The following NAV2 variants were observed in gnomAD, a reference collection of about 807,000 sequenced individuals.
NAV2 encodes the protein helicase, APC down-regulated 1.
A neutral mutation model predicts 223.2 loss-of-function variants in NAV2; 54 were observed. The observed-to-expected ratio is 0.24, with a 90% CI of 0.19 to 0.30. NAV2 has a LOEUF of 0.30. Among genes scored for constraint, NAV2 ranks in the 10% least tolerant of loss-of-function variants. NAV2 has a pLI of 1.00. For missense variants in NAV2, 2,806 were observed against 3,147.5 expected, an observed-to-expected ratio of 0.89 and a Z score of 2.60; for synonymous variants, 1,279 against 1,239.3, an observed-to-expected ratio of 1.03 and a Z score of -0.67.
chr11:19,645,469 G>A (rs775412371), intron 1 of NAV2, among the ~76,000 whole-genome samples: 17 of 152,212 alleles, frequency 1.1e-4, no homozygotes, highest in African/African-American at 1.9e-4. Context: ...CATCTTTGGG[G>A]GCCATAATTC....
At chr11:19,850,768 C>CAAT (rs1449657127) in intron 3 of NAV2, among the ~76,000 whole-genome samples, 5 of 152,218 alleles carry the variant, frequency 3.3e-5, no homozygotes, top group Admixed American at 6.5e-5. Flanking sequence ...CTCACAACCA[C>CAAT]CAGTTTATTA....
chr11:20,117,010 G>A (rs1286708390), intron 37 of NAV2, among the ~76,000 whole-genome samples: 1 of 152,126 alleles, frequency 6.6e-6, no homozygotes, highest in Non-Finnish European at 1.5e-5. Context: ...AGTTATGGCT[G>A]TGCAGATGGA....
At chr11:19,450,080 A>G (rs1197285668) in intron 1 of NAV2, among the ~76,000 whole-genome samples, 1 of 152,098 alleles carries the variant, frequency 6.6e-6, no homozygotes, top group East Asian at 1.9e-4. Context: ...GGAATGGGGG[A>G]AAAGACCTTC....
At chr11:19,827,613 C>T (rs1194788242) in intron 1 of NAV2, among the ~76,000 whole-genome samples, 1 of 152,228 alleles carries the variant, frequency 6.6e-6, no homozygotes. Context: ...TCCACACACG[C>T]TGCCTCCCCT....
intron 6 of NAV2, among the ~76,000 whole-genome samples, chr11:19,925,472 C>T (rs569753718): frequency 1.2e-4 from 19 of 152,226 alleles, no homozygotes; most frequent in Admixed American, 2.0e-4. Flanking sequence ...GAATCCAGGC[C>T]GGGTGTGGTG....
At chr11:19,486,247 G>T (rs530726368) in intron 1 of NAV2, among the ~76,000 whole-genome samples, 1 of 152,236 alleles carries the variant, frequency 6.6e-6, no homozygotes, top group African/African-American at 2.4e-5. Flanking sequence ...GAAGGTCTTA[G>T]GTGCATCCAT....
At chr11:19,485,607 A>G (rs13377314) in intron 1 of NAV2, among the ~76,000 whole-genome samples, 10,046 of 152,266 alleles carry the variant, frequency 0.066, 483 homozygotes, top group Non-Finnish European at 0.099. Context: ...AGGGAAGGCA[A>G]TTCAACAAAC....
At chr11:19,676,817 T>C (rs1010999193) in intron 1 of NAV2, among the ~76,000 whole-genome samples, 1 of 152,292 alleles carries the variant, frequency 6.6e-6, no homozygotes. Flanking sequence ...GGTTGCCTTA[T>C]TGTGGGTCAG....
chr11:19,968,111 A>ACAC (rs2048919707), intron 10 of NAV2, among the ~76,000 whole-genome samples: 1 of 109,812 alleles, frequency 9.1e-6, no homozygotes, highest in African/African-American at 2.9e-5. Flanking sequence ...CAGTGTCTGC[A>ACAC]CACCAGCTGA....
At chr11:19,532,532 A>C (rs545229553) in intron 1 of NAV2, among the ~76,000 whole-genome samples, 1 of 152,150 alleles carries the variant, frequency 6.6e-6, no homozygotes, top group Admixed American at 6.5e-5. Context: ...TTGAACATCT[A>C]CTAGGTGATT....
chr11:20,098,904 T>A (rs1161279375), intron 31 of NAV2, among the ~76,000 whole-genome samples: 2 of 152,224 alleles, frequency 1.3e-5, no homozygotes, highest in African/African-American at 4.8e-5. Context: ...GCCCATCGGC[T>A]GTGCTTATTT....
intron 22 of NAV2, among the ~76,000 whole-genome samples, chr11:20,069,401 G>A (rs1479950669): frequency 6.6e-6 from 1 of 152,160 alleles, no homozygotes; most frequent in Non-Finnish European, 1.5e-5. Flanking sequence ...TGTCTGAGCT[G>A]TTGGGGTGAG....
chr11:19,484,601 TC>T (rs1452309576), intron 1 of NAV2, among the ~76,000 whole-genome samples: 1 of 152,194 alleles, frequency 6.6e-6, no homozygotes, highest in Non-Finnish European at 1.5e-5. Context: ...TGGAGAAAGT[TC>T]CAACTTCTGG....
chr11:19,907,242 G>A (rs969605878), intron 6 of NAV2, among the ~76,000 whole-genome samples: 2 of 152,154 alleles, frequency 1.3e-5, no homozygotes, highest in African/African-American at 4.8e-5. Flanking sequence ...GAACCTCAGA[G>A]AGCCAGTTCT....
At chr11:19,704,013 G>T (rs975732633) in intron 1 of NAV2, among the ~76,000 whole-genome samples, 5 of 149,262 alleles carry the variant, frequency 3.3e-5, no homozygotes, top group African/African-American at 9.9e-5. Context: ...CCTAGGTCTG[G>T]TTTTTTTTGG....
intron 1 of NAV2, among the ~76,000 whole-genome samples, chr11:19,509,580 C>A (rs2043214615): frequency 6.6e-6 from 1 of 152,138 alleles, no homozygotes; most frequent in Admixed American, 6.5e-5. Context: ...TTTATTCAAC[C>A]CGATATTGCA....
intron 11 of NAV2, among the ~76,000 whole-genome samples, chr11:20,003,041 G>A (rs1318992151): frequency 3.3e-5 from 5 of 152,190 alleles, no homozygotes; most frequent in Admixed American, 6.5e-5. Flanking sequence ...GGGAGGAAGC[G>A]AGGCTACAGA....
intron 1 of NAV2, among the ~76,000 whole-genome samples, chr11:19,770,303 G>T (rs189492070): frequency 0.013 from 2,009 of 151,864 alleles, 39 homozygotes; most frequent in African/African-American, 0.043. Flanking sequence ...CACCTGAGTA[G>T]ACTAGATATG....
At chr11:19,544,695 T>A (rs1490024647) in intron 1 of NAV2, among the ~76,000 whole-genome samples, 1 of 152,134 alleles carries the variant, frequency 6.6e-6, no homozygotes, top group Non-Finnish European at 1.5e-5. Context: ...CTTATCCTGC[T>A]AGACACAGTG....
Sources: allele counts gnomAD v4.1 joint callset (sites outside exome capture counted in the v4.1 genomes callset), GRCh38; gene constraint gnomAD v4.1.1; transcripts MANE v1.5; gene names NCBI Gene and HGNC (gene_info 2026-07-23, HGNC 2026-07-21).